Variants in OR5AS1 observed in about 807,000 individuals in gnomAD.
OR5AS1 encodes olfactory receptor 5AS1.
For missense variants in OR5AS1, 492 were observed against 378.2 expected (o/e 1.30, Z -2.50); for synonymous variants, 196 against 141.7 (o/e 1.38, Z -2.72).
chr11:56,028,052 T>C (rs1853313982), intron 1 of OR5AS1, among the ~76,000 whole-genome samples: 1 of 152,100 alleles, frequency 6.6e-6, no homozygotes, highest in African/African-American at 2.4e-5. Flanking sequence ...AAACCTCAGA[T>C]TTTATAAGCA....
intron 1 of OR5AS1, among the ~76,000 whole-genome samples, chr11:56,029,203 C>T (rs1329346087): frequency 6.6e-6 from 1 of 152,010 alleles, no homozygotes; most frequent in Non-Finnish European, 1.5e-5. Context: ...TTACTCACTA[C>T]GTTACTCACC....
At position 56,031,489 on chromosome 11, in the gene OR5AS1, T is replaced by C; in HGVS notation, c.*96T>C. On this transcript the variant is annotated 3_prime_UTR_variant, in exon 2 of 2. Coordinates refer to ENST00000641320, the MANE Select transcript of OR5AS1 (RefSeq NM_001001921.2). The stretch of plus-strand genomic sequence containing the variant: ...CACATTTTCAGAAATAAAGATAACT[T>C]GTTATACTCAGTGCATTAAAATGCT... 1.1e-6 allele frequency: 1 copy of C among 948,212 alleles called. No individual in the cohort carries two copies. The highest frequency in any genetic ancestry group is 2.4e-5 in the East Asian group (1 of 41,310). The allele number at this position is 948,212 out of a possible 1,614,324, so 58.7% of individuals were successfully genotyped here.
Position 56,032,971 on chromosome 11 carries a change from T to G in OR5AS1, c.*1578T>G, listed in dbSNP as rs117535681. 0.06 allele frequency: 9,176 copies of G among 152,494 alleles called. 377 individuals carry two copies. The highest frequency in any genetic ancestry group is 0.084 in the Non-Finnish European group (5,743 of 68,368). 9.4% of individuals were successfully genotyped at this position (152,494 alleles called of 1,614,324 possible). ...GTTAGACAGTGGGTGCAGCCCATGGTGGGTGAGCAGAAGCAGGGTGGGGTG... is the reference window on the plus strand; with the variant it reads ...GTTAGACAGTGGGTGCAGCCCATGGGGGGTGAGCAGAAGCAGGGTGGGGTG... On this transcript the variant is annotated 3_prime_UTR_variant, in exon 2 of 2. Coordinates refer to ENST00000641320, the MANE Select transcript of OR5AS1 (RefSeq NM_001001921.2).
chr11:56,029,130 G>A (rs897742846), intron 1 of OR5AS1, among the ~76,000 whole-genome samples: 4 of 152,010 alleles, frequency 2.6e-5, no homozygotes, highest in Non-Finnish European at 5.9e-5. Context: ...CATTTGGCTG[G>A]AGAAAGGAGG....
At position 56,032,542 on chromosome 11, in the gene OR5AS1, T is replaced by C. The variant is rs572160850; in HGVS notation, c.*1149T>C. ...AAAAAAGTGTGCATTTTGTAATAAT[T>C]ATGAAAATATAAATGGTTGGATTAG... On this transcript the variant is annotated 3_prime_UTR_variant, in exon 2 of 2. Coordinates refer to ENST00000641320, the MANE Select transcript of OR5AS1 (RefSeq NM_001001921.2). The C allele has an allele frequency of 3.3e-5, 5 of 152,270 alleles. No homozygotes were observed. Among genetic ancestry groups the C allele is most frequent in the African/African-American group, 1.2e-4 (5 of 41,514 alleles). The allele number at this position is 152,270 out of a possible 1,614,324, so 9.4% of individuals were successfully genotyped here.
At position 56,033,341 on chromosome 11, in the gene OR5AS1, A is replaced by C. The variant is rs1051336472; in HGVS notation, c.*1948A>C. On this transcript the variant is annotated 3_prime_UTR_variant, in exon 2 of 2. Coordinates refer to ENST00000641320, the MANE Select transcript of OR5AS1 (RefSeq NM_001001921.2). ...CAAGTGGTCTAGCTCAGCAGATCCC[A>C]CCCCCATGGAGCCCAGCAAGCTAAG... 3.3e-5 allele frequency: 5 copies of C among 152,662 alleles called. No individual in the cohort carries two copies. Among genetic ancestry groups the C allele is most frequent in the African/African-American group, 1.2e-4 (5 of 41,324 alleles). 9.5% of individuals were successfully genotyped at this position (152,662 alleles called of 1,614,324 possible). A position where few individuals can be genotyped will look rare whatever the true frequency, so the allele number is the denominator to read the frequency against.
At position 56,032,052 on chromosome 11, in the gene OR5AS1, A is replaced by T. The variant is rs1046644372; in HGVS notation, c.*659A>T. ...TTATAATACCAATAATCTGTTAGGG[A>T]TACTGATGGTGGTTTCACTGGTTCT... On this transcript the variant is annotated 3_prime_UTR_variant, in exon 2 of 2. Transcript: ENST00000641320. 3.9e-5 allele frequency: 6 copies of T among 152,120 alleles called. No individual in the cohort carries two copies. Among genetic ancestry groups the T allele is most frequent in the Non-Finnish European group, 5.9e-5 (4 of 68,034 alleles). 9.4% of individuals were successfully genotyped at this position (152,120 alleles called of 1,614,324 possible). A position where few individuals can be genotyped will look rare whatever the true frequency, so the allele number is the denominator to read the frequency against.
intron 1 of OR5AS1, among the ~76,000 whole-genome samples, chr11:56,028,208 A>T (rs1853315284): frequency 6.6e-6 from 1 of 151,950 alleles, no homozygotes; most frequent in Admixed American, 6.6e-5. Context: ...AATATATAAT[A>T]ACATACATTT....
At position 56,030,521 on chromosome 11, in the gene OR5AS1, T is replaced by A; in HGVS notation, c.103T>A (p.Tyr35Asn). Reference sequence around the variant, plus strand: ...ACTGTTCTTGGTATTCCTTCTGGTATATACATTAACTATGGTCGGAAATAT... The same window carrying A: ...ACTGTTCTTGGTATTCCTTCTGGTAAATACATTAACTATGGTCGGAAATAT... ...VTLFLVFLLV[Y>N]TLTMVGNILL... The change falls in exon 2 of 2, where the codon TAT (tyrosine) becomes AAT (asparagine). Residue 35 changes from tyrosine (Y) to asparagine (N), a missense_variant. Coordinates refer to ENST00000641320, the MANE Select transcript of OR5AS1 (RefSeq NM_001001921.2). 1 of 1,553,442 alleles carries A rather than the reference T, an allele frequency of 6.4e-7. No individual in the cohort carries two copies. Among genetic ancestry groups the A allele is most frequent in the Non-Finnish European group, 8.7e-7 (1 of 1,147,234 alleles).
At position 56,032,310 on chromosome 11, in the gene OR5AS1, A is replaced by G. The variant is rs1853359693; in HGVS notation, c.*917A>G. The G allele has an allele frequency of 6.6e-6, 1 of 152,148 alleles. No homozygotes were observed. Among genetic ancestry groups the G allele is most frequent in the Non-Finnish European group, 1.5e-5 (1 of 68,028 alleles). 9.4% of individuals were successfully genotyped at this position (152,148 alleles called of 1,614,324 possible). Reference sequence around the variant, plus strand: ...TAGTCTTTGAGGCTCTATCTTCAAGAAGAGGTGAAAATTACACTGATCTTT... The same window carrying G: ...TAGTCTTTGAGGCTCTATCTTCAAGGAGAGGTGAAAATTACACTGATCTTT... On this transcript the variant is annotated 3_prime_UTR_variant, in exon 2 of 2. Transcript: ENST00000641320.
chr11:56,036,066 T>C lies in OR5AS1; in HGVS notation c.*4673T>C, dbSNP rs2134700606. 1 of 151,924 alleles carries C rather than the reference T, an allele frequency of 6.6e-6. No homozygotes were observed. Among genetic ancestry groups the C allele is most frequent in the South Asian group, 2.1e-4 (1 of 4,808 alleles). 9.4% of individuals were successfully genotyped at this position (151,924 alleles called of 1,614,324 possible). Reference sequence around the variant, plus strand: ...ATAATGAAAATAAAGCAGAAATAAATAAGTTATTTGAAACCAATGAGAACA... The same window carrying C: ...ATAATGAAAATAAAGCAGAAATAAACAAGTTATTTGAAACCAATGAGAACA... On this transcript the variant is annotated 3_prime_UTR_variant, in exon 2 of 2. Coordinates refer to ENST00000641320, the MANE Select transcript of OR5AS1 (RefSeq NM_001001921.2).
At chr11:56,029,082 C>T (rs1853322173) in intron 1 of OR5AS1, among the ~76,000 whole-genome samples, 1 of 152,044 alleles carries the variant, frequency 6.6e-6, no homozygotes, top group Non-Finnish European at 1.5e-5. Flanking sequence ...ACAAAGAAGG[C>T]TGGCTTCTCT....
chr11:56,028,976 T>C (rs531341634), intron 1 of OR5AS1, among the ~76,000 whole-genome samples: 1 of 152,174 alleles, frequency 6.6e-6, no homozygotes, highest in Non-Finnish European at 1.5e-5. Context: ...TTTTCTAGTA[T>C]TTTTTCAGAG....
Position 56,031,602 on chromosome 11 carries a change from A to T in OR5AS1, c.*209A>T, listed in dbSNP as rs1401504119. The T allele has an allele frequency of 7.3e-5, 29 of 396,298 alleles. No individual in the cohort carries two copies. The highest frequency in any genetic ancestry group is 1.2e-4 in the Non-Finnish European group (27 of 220,726). 24.5% of individuals were successfully genotyped at this position (396,298 alleles called of 1,614,324 possible). On this transcript the variant is annotated 3_prime_UTR_variant, in exon 2 of 2. Coordinates refer to ENST00000641320, the MANE Select transcript of OR5AS1 (RefSeq NM_001001921.2). ...ACATAGTCATTATTTATATCCAATT[A>T]GTGTTTCTAAAATGCTTTGTACATT...
chr11:56,028,292 T>C (rs893348960), intron 1 of OR5AS1, among the ~76,000 whole-genome samples: 1 of 152,006 alleles, frequency 6.6e-6, no homozygotes, highest in Non-Finnish European at 1.5e-5. Flanking sequence ...TAATATATTA[T>C]TATGCTAATT....
At position 56,036,866 on chromosome 11, in the gene OR5AS1, C is replaced by T. The variant is rs907561535; in HGVS notation, c.*5473C>T. The T allele has an allele frequency of 3.9e-5, 6 of 152,008 alleles. No homozygotes were observed. The highest frequency in any genetic ancestry group is 1.5e-4 in the African/African-American group (6 of 41,334). 9.4% of individuals were successfully genotyped at this position (152,008 alleles called of 1,614,324 possible). On this transcript the variant is annotated 3_prime_UTR_variant, in exon 2 of 2. Transcript: ENST00000641320. The stretch of plus-strand genomic sequence containing the variant: ...CCCTGATGAACATGATGCAAAAATC[C>T]TCAAAAAATACTGGCAAACTGAATT...
rs952637063 is a variant in OR5AS1 at position 56,035,121 on chromosome 11, A to G, written c.*3728A>G. On this transcript the variant is annotated 3_prime_UTR_variant, in exon 2 of 2. Transcript: ENST00000641320. ...CTTTACAAGAGCTCCTGAAGGAAGCACTAAACATGGAAAGGTACAACTGGT... is the reference window on the plus strand; with the variant it reads ...CTTTACAAGAGCTCCTGAAGGAAGCGCTAAACATGGAAAGGTACAACTGGT... 2 of 152,214 alleles carry G rather than the reference A, an allele frequency of 1.3e-5. No homozygotes were observed. Among genetic ancestry groups the G allele is most frequent in the African/African-American group, 4.8e-5 (2 of 41,428 alleles). The allele number at this position is 152,214 out of a possible 1,614,324, so 9.4% of individuals were successfully genotyped here.
chr11:56,029,266 G>T (rs900628339), intron 1 of OR5AS1, among the ~76,000 whole-genome samples: 1 of 151,848 alleles, frequency 6.6e-6, no homozygotes, highest in South Asian at 2.1e-4. Flanking sequence ...TATTCCATTC[G>T]CATTGTATTT....
chr11:56,029,993 C>T (rs759567329), intron 1 of OR5AS1, among the ~76,000 whole-genome samples: 1 of 152,080 alleles, frequency 6.6e-6, no homozygotes, highest in Admixed American at 6.5e-5. Flanking sequence ...TTTATCTCAA[C>T]TCTCCTTTAT....
Sources: allele counts gnomAD v4.1 joint callset (sites outside exome capture counted in the v4.1 genomes callset), GRCh38; gene constraint gnomAD v4.1.1; transcripts MANE v1.5; gene names NCBI Gene and HGNC (gene_info 2026-07-23, HGNC 2026-07-21).